CAMK4: variants seen among roughly 807,000 people sequenced by gnomAD.
CAMK4 encodes the protein calcium/calmodulin-dependent protein kinase type IV.
Under a neutral mutation model 44.9 loss-of-function variants are expected in CAMK4, and 22 were observed. The ratio of observed to expected loss-of-function variants is 0.49; its 90% CI spans 0.35 to 0.70. The LOEUF (loss-of-function observed/expected upper bound fraction) is 0.70, where lower values mean the gene tolerates loss of function less well. Ranked by LOEUF, CAMK4 falls within the 30% of genes least tolerant of loss-of-function variation. The probability of loss-of-function intolerance (pLI) is 0.01; values close to 1 mark genes in which losing one functional copy is unlikely to be tolerated. For missense variants in CAMK4, 498 were observed against 586.8 expected (o/e 0.85, Z 1.56); for synonymous variants, 218 against 215.4 (o/e 1.01, Z -0.11).
At chr5:111,252,387 T>C (rs1352904588) in intron 1 of CAMK4, among the ~76,000 whole-genome samples, 7 of 152,160 alleles carry the variant, frequency 4.6e-5, no homozygotes, top group African/African-American at 7.2e-5. Flanking sequence ...TGGAGAAGTG[T>C]GGAGGAACAC....
intron 1 of CAMK4, among the ~76,000 whole-genome samples, chr5:111,244,472 T>C (rs1027655771): frequency 6.6e-6 from 1 of 152,218 alleles, no homozygotes; most frequent in African/African-American, 2.4e-5. Flanking sequence ...CTATGAGTGA[T>C]TTGGGGCTGA....
chr5:111,271,951 G>C (rs1328157282), intron 1 of CAMK4, among the ~76,000 whole-genome samples: 1 of 152,090 alleles, frequency 6.6e-6, no homozygotes, highest in Non-Finnish European at 1.5e-5. Flanking sequence ...TCTCTCCCGC[G>C]ATTCTTGAAT....
chr5:111,430,591 A>C (rs1753407860), intron 5 of CAMK4, among the ~76,000 whole-genome samples: 1 of 152,248 alleles, frequency 6.6e-6, no homozygotes, highest in Non-Finnish European at 1.5e-5. Context: ...TCGAACTGAT[A>C]AACAGATTTG....
chr5:111,274,194 A>G (rs1561378438), intron 1 of CAMK4, among the ~76,000 whole-genome samples: 1 of 152,028 alleles, frequency 6.6e-6, no homozygotes, highest in Non-Finnish European at 1.5e-5. Context: ...TCTCTACTCA[A>G]ATACAGCCTC....
chr5:111,243,583 C>A (rs1351734731), intron 1 of CAMK4, among the ~76,000 whole-genome samples: 2 of 152,182 alleles, frequency 1.3e-5, no homozygotes, highest in Admixed American at 1.3e-4. Flanking sequence ...ACTGAGTTAA[C>A]CTAACTGGAA....
At chr5:111,443,924 A>C (rs567715712) in intron 5 of CAMK4, among the ~76,000 whole-genome samples, 3 of 152,298 alleles carry the variant, frequency 2.0e-5, no homozygotes, top group Admixed American at 2.0e-4. Flanking sequence ...CTTCAAACTC[A>C]GCTTATATCA....
intron 1 of CAMK4, among the ~76,000 whole-genome samples, chr5:111,316,259 A>C (rs1748418507): frequency 1.3e-5 from 2 of 152,232 alleles, no homozygotes; most frequent in South Asian, 4.1e-4. Context: ...AGGGAGGATA[A>C]AGGATCAGCT....
At chr5:111,400,420 A>C (rs2112873458) in intron 5 of CAMK4, among the ~76,000 whole-genome samples, 2 of 152,290 alleles carry the variant, frequency 1.3e-5, no homozygotes, top group Non-Finnish European at 1.5e-5. Context: ...GGTACATCTC[A>C]CATTTCCTCT....
chr5:111,429,906 T>C (rs1311150652), intron 5 of CAMK4, among the ~76,000 whole-genome samples: 30 of 119,420 alleles, frequency 2.5e-4, no homozygotes, highest in Non-Finnish European at 4.3e-4. Flanking sequence ...TCAATCCTTC[T>C]CAAACTATTC....
rs1755549999 is a variant in CAMK4, at chr5:111,484,570, T to C, written c.*104T>C. The C allele has an allele frequency of 1.5e-6, 1 of 681,926 alleles. No homozygotes were observed. Among genetic ancestry groups the C allele is most frequent in the Non-Finnish European group, 2.2e-6 (1 of 456,518 alleles). The allele number at this position is 681,926 out of a possible 1,614,324, so 42.2% of individuals were successfully genotyped here. On this transcript the variant is annotated 3_prime_UTR_variant, in exon 11 of 11. Coordinates refer to ENST00000282356, the MANE Select transcript of CAMK4 (RefSeq NM_001744.6). This position sits in a 1 kb window ranked among gnomAD's most constrained non-coding sequence, Gnocchi z 5.3. Reference sequence around the variant, plus strand: ...GATATGTACTATAGTGATTCTGTTTTTGAGGTGCAAAAAACATACATATAT... The same window carrying C: ...GATATGTACTATAGTGATTCTGTTTCTGAGGTGCAAAAAACATACATATAT...
chr5:111,230,097 T>C (rs1359585986), intron 1 of CAMK4, among the ~76,000 whole-genome samples: 1 of 152,198 alleles, frequency 6.6e-6, no homozygotes, highest in African/African-American at 2.4e-5. Flanking sequence ...GTGATATTGA[T>C]TCTAGTGACC....
In CAMK4 at chr5:111,493,839, G is replaced by A. The variant is rs181005670; in HGVS notation, c.*9373G>A. ...TTATTTCAGATAATGCCTGTGATTAGTGAATGGCGGCATTATTCCTGAAGA... is the reference window on the plus strand; with the variant it reads ...TTATTTCAGATAATGCCTGTGATTAATGAATGGCGGCATTATTCCTGAAGA... On this transcript the variant is annotated 3_prime_UTR_variant, in exon 11 of 11. Coordinates refer to ENST00000282356, the MANE Select transcript of CAMK4 (RefSeq NM_001744.6). The surrounding 1 kb of genome is among the most constrained non-coding windows in gnomAD (Gnocchi z 4.1). The A allele has an allele frequency of 3.9e-5, 6 of 152,274 alleles. No individual in the cohort carries two copies. The East Asian group carries it at 1.2e-3, about 29-fold the overall frequency. 9.4% of individuals were successfully genotyped at this position (152,274 alleles called of 1,614,324 possible).
At position 111,381,352 on chromosome 5, in the gene CAMK4, C is replaced by A. The variant is rs73216011; in HGVS notation, c.386+4410C>A. 7.8e-3 allele frequency among the ~76,000 whole-genome samples: 1,184 copies of A among 152,250 alleles called. 13 individuals are homozygous for A. The highest frequency in any genetic ancestry group is 0.026 in the African/African-American group (1,099 of 41,548). ...GAGCCAGGAAGCCAGTCTGAGTTCT[C>A]AAACCTCAAAAGTAGGGAAGCCGAT... On this transcript the variant is annotated intron_variant, in intron 4 of 10. Transcript: ENST00000282356.
At chr5:111,452,048 G>A (rs1754257009) in intron 7 of CAMK4, among the ~76,000 whole-genome samples, 2 of 152,176 alleles carry the variant, frequency 1.3e-5, no homozygotes, top group South Asian at 4.1e-4. Flanking sequence ...TAATGAGTTA[G>A]TATTAATTCT....
At chr5:111,252,765 G>A (rs1366290924) in intron 1 of CAMK4, among the ~76,000 whole-genome samples, 2 of 152,078 alleles carry the variant, frequency 1.3e-5, no homozygotes, top group Non-Finnish European at 2.9e-5. Flanking sequence ...TATTTTATCC[G>A]TGATCCTACA....
intron 7 of CAMK4, among the ~76,000 whole-genome samples, chr5:111,457,096 AG>A (rs1472316430): frequency 2.0e-4 from 30 of 152,226 alleles, no homozygotes; most frequent in Admixed American, 2.0e-3. Context: ...AGCCTTTATC[AG>A]GGGAATTCAA....
chr5:111,385,001 G>A (rs1269680890), intron 4 of CAMK4, among the ~76,000 whole-genome samples: 2 of 152,074 alleles, frequency 1.3e-5, no homozygotes, highest in East Asian at 1.9e-4. Flanking sequence ...CCACCCTCAA[G>A]GAGCTCATAG....
chr5:111,258,874 T>C (rs1749858102), intron 1 of CAMK4, among the ~76,000 whole-genome samples: 1 of 151,950 alleles, frequency 6.6e-6, no homozygotes, highest in South Asian at 2.1e-4. Flanking sequence ...GGGTCTCTAA[T>C]TTAGCTAAGA....
intron 4 of CAMK4, among the ~76,000 whole-genome samples, chr5:111,382,764 G>T (rs953882474): frequency 6.6e-6 from 1 of 152,150 alleles, no homozygotes; most frequent in Admixed American, 6.5e-5. Flanking sequence ...ACTCAAGTAT[G>T]TCACATTCCA....
Sources: allele counts gnomAD v4.1 joint callset (sites outside exome capture counted in the v4.1 genomes callset), GRCh38; gene constraint gnomAD v4.1.1; non-coding constraint Gnocchi (gnomAD v3.1); transcripts MANE v1.5; gene names NCBI Gene and HGNC (gene_info 2026-07-23, HGNC 2026-07-21).